CSNK2A1: variants seen among roughly 807,000 people sequenced by gnomAD.
The protein encoded by CSNK2A1 is casein kinase II subunit alpha.
Under a neutral mutation model 62.9 loss-of-function variants are expected in CSNK2A1, and 10 were observed. The ratio of observed to expected loss-of-function variants is 0.16; its 90% CI spans 0.10 to 0.27. The LOEUF (loss-of-function observed/expected upper bound fraction) is 0.27, where lower values mean the gene tolerates loss of function less well. Among genes scored for constraint, CSNK2A1 ranks in the 10% least tolerant of loss-of-function variants. The probability of loss-of-function intolerance (pLI) is 1.00; values close to 1 mark genes in which losing one functional copy is unlikely to be tolerated. For synonymous variants in CSNK2A1, 124 were observed against 167.8 expected (o/e 0.74, Z 2.02); for missense variants, 160 against 492.0 (o/e 0.33, Z 6.38).
chr20:520,511 T>C (rs2018923562), intron 2 of CSNK2A1, among the ~76,000 whole-genome samples: 1 of 150,280 alleles, frequency 6.7e-6, no homozygotes, highest in African/African-American at 2.5e-5. Flanking sequence ...TATTATGTAT[T>C]TTTTTCGAGA....
In CSNK2A1 at chr20:487,466, G is replaced by A. The variant is rs2018124491; in HGVS notation, c.934C>T (p.Arg312Trp). Residue 312 changes from arginine (R) to tryptophan (W), a missense_variant, in exon 12 of 14, where the codon CGG becomes TGG. Coordinates refer to ENST00000217244, the MANE Select transcript of CSNK2A1 (RefSeq NM_177559.3). Reference sequence around the variant, plus strand: ...TCCATTGCCTCTCTTGCAGTAAGCCGTGACTGGTGGTCATATCGCAGCAGT... The same window carrying A: ...TCCATTGCCTCTCTTGCAGTAAGCCATGACTGGTGGTCATATCGCAGCAGT... ...DKLLRYDHQSRLTAREAMEHP... is the reference protein window; with the variant it reads ...DKLLRYDHQSWLTAREAMEHP... 1 of 1,614,174 alleles carries A rather than the reference G, an allele frequency of 6.2e-7. No homozygotes were observed. The highest frequency in any genetic ancestry group is 8.5e-7 in the Non-Finnish European group (1 of 1,180,024).
chr20:499,732 A>C lies in CSNK2A1; in HGVS notation c.315+101T>G. ...ATTAAGCACTTTCAAAGCAGGACTT[A>C]ATGATGAGGGTTGGGGGAGGGAACA... On this transcript the variant is annotated intron_variant, in intron 5 of 13. Transcript: ENST00000217244. The surrounding 1 kb of genome is among the most constrained non-coding windows in gnomAD (Gnocchi z 4.2). The C allele has an allele frequency of 9.2e-7, 1 of 1,082,124 alleles. No homozygotes were observed. The highest frequency in any genetic ancestry group is 1.4e-6 in the Non-Finnish European group (1 of 713,246). The allele number at this position is 1,082,124 out of a possible 1,614,324, so 67.0% of individuals were successfully genotyped here.
intron 1 of CSNK2A1, among the ~76,000 whole-genome samples, chr20:529,594 CT>C (rs2019169501): frequency 6.6e-6 from 1 of 151,948 alleles, no homozygotes; most frequent in South Asian, 2.1e-4. Flanking sequence ...AAAGTGCTTC[CT>C]TTAAGTAAAA....
intron 2 of CSNK2A1, among the ~76,000 whole-genome samples, chr20:518,713 ATTTTTTTT>A (rs10534951): frequency 1.7e-5 from 2 of 120,960 alleles, no homozygotes; most frequent in African/African-American, 6.5e-5. Context: ...CGCCCGGCTA[ATTTTTTTT>A]TTTTTTTTTT....
At chr20:493,687 T>C (rs1034957668) in intron 8 of CSNK2A1, among the ~76,000 whole-genome samples, 6 of 152,240 alleles carry the variant, frequency 3.9e-5, no homozygotes, top group Non-Finnish European at 5.9e-5. Flanking sequence ...TGTGTGTTTC[T>C]ATGCAATTTC....
intron 2 of CSNK2A1, among the ~76,000 whole-genome samples, chr20:523,658 G>A (rs554117642): frequency 3.9e-5 from 6 of 152,204 alleles, no homozygotes; most frequent in Admixed American, 1.3e-4. Context: ...TTGGGAGGCC[G>A]AAGCGGATGG....
intron 2 of CSNK2A1, among the ~76,000 whole-genome samples, chr20:518,567 GAC>G (rs2018874069): frequency 6.6e-6 from 1 of 151,886 alleles, no homozygotes; most frequent in Admixed American, 6.6e-5. Context: ...ATTTTTTTGA[GAC>G]AGAGTCTCGC....
At chr20:493,060 C>G (rs923294415) in intron 8 of CSNK2A1, among the ~76,000 whole-genome samples, 1 of 152,216 alleles carries the variant, frequency 6.6e-6, no homozygotes, top group African/African-American at 2.4e-5. Context: ...TGCTCTGGCA[C>G]TAAGTTTACT....
chr20:515,663 A>G (rs77196858), intron 2 of CSNK2A1, among the ~76,000 whole-genome samples: 1 of 152,160 alleles, frequency 6.6e-6, no homozygotes, highest in East Asian at 1.9e-4. Context: ...TAATTTCTCA[A>G]TTGGACCCTA....
Position 476,804 on chromosome 20 carries a change from CAAGT to C in CSNK2A1, c.*7153_*7156del, listed in dbSNP as rs768915777. 1 of 152,248 alleles carries C rather than the reference CAAGT, an allele frequency of 6.6e-6. No homozygotes were observed. Among genetic ancestry groups the C allele is most frequent in the African/African-American group, 2.4e-5 (1 of 41,442 alleles). The allele number at this position is 152,248 out of a possible 1,614,324, so 9.4% of individuals were successfully genotyped here. On this transcript the variant is annotated 3_prime_UTR_variant, in exon 14 of 14. Transcript: ENST00000217244. ...CAGACCGGCCTTGAATTCCTGAGCT[CAAGT>C]GAGTCGCCCGCCTCCACCTCTCAAA...
At chr20:535,687 CAG>C (rs1325344527) in intron 1 of CSNK2A1, among the ~76,000 whole-genome samples, 2 of 142,824 alleles carry the variant, frequency 1.4e-5, no homozygotes, top group Non-Finnish European at 1.5e-5. Context: ...ACCCAGGAGG[CAG>C]AGATTGCGCC....
intron 1 of CSNK2A1, among the ~76,000 whole-genome samples, chr20:529,201 T>TC (rs959073404): frequency 6.6e-5 from 10 of 151,682 alleles, no homozygotes; most frequent in Non-Finnish European, 1.5e-4. Context: ...TTTTTTTTTT[T>TC]TTTTTGTAAA....
chr20:504,718 C>A (rs1338903396), intron 4 of CSNK2A1: 1 of 173,530 alleles, frequency 5.8e-6, no homozygotes, highest in African/African-American at 2.4e-5. Flanking sequence ...ACCCGACTAG[C>A]TGCACTAATA....
Position 478,721 on chromosome 20 carries a change from A to G in CSNK2A1, c.*5240T>C. 2.9e-6 allele frequency: 1 copy of G among 350,576 alleles called. No homozygotes were observed. The highest frequency in any genetic ancestry group is 5.6e-6 in the Non-Finnish European group (1 of 179,842). The allele number at this position is 350,576 out of a possible 1,614,324, so 21.7% of individuals were successfully genotyped here. A position where few individuals can be genotyped will look rare whatever the true frequency, so the allele number is the denominator to read the frequency against. On this transcript the variant is annotated 3_prime_UTR_variant, in exon 14 of 14. Transcript: ENST00000217244. ...AGGCGGGTAGACTGTTGAGCTCAGG[A>G]GTTCAAGACCAGCCTGGGCAACACG...
At chr20:492,505 G>T in intron 8 of CSNK2A1, 141 bp from the exon 9 acceptor site, 1 of 746,320 alleles carries the variant, frequency 1.3e-6, no homozygotes. Flanking sequence ...CCTTTAGAAT[G>T]AAAATAAAAC....
At chr20:535,168 C>A (rs1255089057) in intron 1 of CSNK2A1, among the ~76,000 whole-genome samples, 1 of 150,750 alleles carries the variant, frequency 6.6e-6, no homozygotes, top group Admixed American at 6.6e-5. Flanking sequence ...CCAGCCTGGG[C>A]AACATGGTGA....
intron 2 of CSNK2A1, among the ~76,000 whole-genome samples, chr20:525,318 C>A (rs2019056350): frequency 6.6e-6 from 1 of 151,640 alleles, no homozygotes; most frequent in Non-Finnish European, 1.5e-5. Context: ...TCGAGACCAG[C>A]CTGGGCAACA....
At chr20:507,329 A>C (rs1205608605) in intron 3 of CSNK2A1, 3 of 152,246 alleles carry the variant, frequency 2.0e-5, no homozygotes, top group African/African-American at 7.2e-5. Context: ...AATTTAGGGA[A>C]GCCATCCACT....
At chr20:514,783 A>T (rs1414110939) in intron 2 of CSNK2A1, among the ~76,000 whole-genome samples, 1 of 152,164 alleles carries the variant, frequency 6.6e-6, no homozygotes, top group Non-Finnish European at 1.5e-5. Context: ...TTTCACTTAT[A>T]CCTCTGCAAA....
Sources: gnomAD v4.1 joint callset for allele counts (sites outside exome capture counted in the v4.1 genomes callset) on GRCh38, gnomAD v4.1.1 for gene constraint, Gnocchi (gnomAD v3.1) non-coding constraint, MANE v1.5 for transcripts, NCBI Gene and HGNC (gene_info 2026-07-23, HGNC 2026-07-21) for gene names.